The following PKD1 variants were observed in gnomAD, a reference collection of about 807,000 sequenced individuals.
PKD1 encodes the protein polycystin 1, transient receptor potential channel interacting, also known as polycystin-1.
A neutral mutation model predicts 361.7 loss-of-function variants in PKD1; 81 were observed. The ratio of observed to expected loss-of-function variants is 0.22; its 90% CI spans 0.19 to 0.27. The LOEUF (loss-of-function observed/expected upper bound fraction) is 0.27. PKD1 is among the 10% of genes least tolerant of loss of function. The pLI, the probability that PKD1 is intolerant of heterozygous loss-of-function variation, is 1.00. For synonymous variants in PKD1, 3,615 were observed against 2,818.3 expected (o/e 1.28, Z -8.95); for missense variants, 6,399 against 6,118.3 (o/e 1.05, Z -1.53).
intron 13 of PKD1, 24 bp from the exon 14 acceptor site, chr16:2,112,497 G>C (rs1324645949): frequency 1.1e-5 from 18 of 1,581,420 alleles, no homozygotes; most frequent in Non-Finnish European, 1.5e-5. Flanking sequence ...GGGACGCAGT[G>C]AGTGAACCGG....
Position 2,109,713 on chromosome 16 carries a change from C to T in PKD1, c.5454G>A (p.Ala1818=), listed in dbSNP as rs143916489. The T allele has an allele frequency of 7.6e-3, 12,154 of 1,602,118 alleles. 776 individuals are homozygous for T. The African/African-American group carries it at 0.13, about 18-fold the overall frequency. The part of the protein sequence containing the change: ...RASEPGGSFV[A]AGSSVPFWGQ... ...CCCAAAAGGGCACAGAGGACCCGGC[C>T]GCCACGAAGCTGCCTCCGGGCTCGC... Residue 1818 remains alanine, a synonymous_variant, in exon 15 of 46, where the codon GCG becomes GCA. Coordinates refer to ENST00000262304, the MANE Select transcript of PKD1 (RefSeq NM_001009944.3).
rs142285430 is a variant in PKD1 at position 2,088,881 on chromosome 16, G to GCGCGCACACACACACACACACA, written c.*845_*846insTGTGTGTGTGTGTGTGTGCGCG. 1.2e-5 allele frequency: 5 copies of GCGCGCACACACACACACACACA among 421,378 alleles called. No homozygotes were observed. The highest frequency in any genetic ancestry group is 1.1e-4 in the African/African-American group (5 of 44,578). The allele number at this position is 421,378 out of a possible 1,614,324, so 26.1% of individuals were successfully genotyped here. A position where few individuals can be genotyped will look rare whatever the true frequency, so the allele number is the denominator to read the frequency against. ...ACAGCACACTCGCGCGTGCGCGCGC[G>GCGCGCACACACACACACACACA]CACACACACACACACACAGTCACCT... On this transcript the variant is annotated 3_prime_UTR_variant, in exon 46 of 46. Coordinates refer to ENST00000262304, the MANE Select transcript of PKD1 (RefSeq NM_001009944.3).
chr16:2,107,182 C>G, intron 16 of PKD1: 1 of 589,164 alleles, frequency 1.7e-6, no homozygotes, highest in South Asian at 1.9e-5. Flanking sequence ...GTACTGGACC[C>G]AGCTGGACCC....
intron 1 of PKD1, chr16:2,133,019 T>C (rs1187274231): frequency 1.5e-5 from 2 of 134,172 alleles, no homozygotes; most frequent in African/African-American, 2.9e-5. Flanking sequence ...GAGGCGGAGG[T>C]TGCCATGAGC....
intron 34 of PKD1, among the ~76,000 whole-genome samples, chr16:2,095,974 C>A (rs1318267548): frequency 2.6e-5 from 4 of 152,192 alleles, no homozygotes; most frequent in Admixed American, 2.0e-4. Context: ...TGGTTATCTG[C>A]CTTTTGTAAA....
Position 2,089,194 on chromosome 16 carries a change from G to A in PKD1, c.*533C>T, listed in dbSNP as rs936190439. ...ACCTACCAAGCGCAGCAGGTGTTGG[G>A]GGAGGCCAGCTCTGGGCGCAGGCCC... On this transcript the variant is annotated 3_prime_UTR_variant, in exon 46 of 46. Transcript: ENST00000262304. 2.3e-5 allele frequency: 4 copies of A among 174,630 alleles called. No individual in the cohort carries two copies. Among genetic ancestry groups the A allele is most frequent in the Non-Finnish European group, 4.9e-5 (4 of 81,418 alleles). 10.8% of individuals were successfully genotyped at this position (174,630 alleles called of 1,614,324 possible). A position where few individuals can be genotyped will look rare whatever the true frequency, so the allele number is the denominator to read the frequency against.
Position 2,111,788 on chromosome 16 carries a change from G to A in PKD1, c.3379C>T (p.Pro1127Ser), listed in dbSNP as rs2092513320. 1.9e-6 allele frequency: 3 copies of A among 1,608,736 alleles called. No homozygotes were observed. Among genetic ancestry groups the A allele is most frequent in the African/African-American group, 2.7e-5 (2 of 74,802 alleles). ...TCACTCACACCCACAGCCACGGAGGGCAGGGAGGCGCGCACGCTCACAGGC... is the reference window on the plus strand; with the variant it reads ...TCACTCACACCCACAGCCACGGAGGACAGGGAGGCGCGCACGCTCACAGGC... ...QVPVSVRASL[P>S]SVAVGVSDGV... Residue 1127 changes from proline (P) to serine (S), a missense_variant, in exon 15 of 46, where the codon CCC becomes TCC. Physicochemically the swap from Pro to Ser is moderately conservative, Grantham distance 74. Transcript: ENST00000262304.
In PKD1 at chr16:2,112,414, G is replaced by A; in HGVS notation, c.3221C>T (p.Ser1074Phe). The change falls in exon 14 of 46, where the codon TCC (serine) becomes TTC (phenylalanine). Residue 1074 changes from serine to phenylalanine, a missense_variant. Coordinates refer to ENST00000262304, the MANE Select transcript of PKD1 (RefSeq NM_001009944.3). ...CACCGAGGGGTCTGGAACCGGGAAG[G>A]ACTCGTTGTACGGAGGCTGGAACTG... Reference protein sequence around the residue: ...LHQFQPPYNESFPVPDPSVAQ... With the variant: ...LHQFQPPYNEFFPVPDPSVAQ... The A allele has an allele frequency of 6.3e-7, 1 of 1,585,542 alleles. No individual in the cohort carries two copies.
Position 2,092,500 on chromosome 16 carries a change from C to T in PKD1, c.11249G>A (p.Arg3750Gln), listed in dbSNP as rs1327414405. 1 of 1,610,398 alleles carries T rather than the reference C, an allele frequency of 6.2e-7. No individual in the cohort carries two copies. The part of the protein sequence containing the change: ...SSPELGPPRL[R>Q]QVRLQEALYP... Reference sequence around the variant, plus strand: ...CTCACCTTCCTGCAGCCGCACCTGCCGCAGCCGTGGGGGCCCCAGCTCTGG... The same window carrying T: ...CTCACCTTCCTGCAGCCGCACCTGCTGCAGCCGTGGGGGCCCCAGCTCTGG... The change falls in exon 39 of 46, where the codon CGG (arginine) becomes CAG (glutamine). Residue 3750 changes from arginine to glutamine, a missense_variant. Arg to Gln is a conservative substitution (Grantham distance 43). Transcript: ENST00000262304.
rs1420246458 is a variant in PKD1 at position 2,092,087 on chromosome 16, C to T, written c.11371G>A (p.Gly3791Ser). ...GCTGAATAGGCCCACGTCCCCGAGC[C>T]ATTGTGAGGACTCTCCCAGCCAACG... ...YDVGWESPHN[G>S]SGTWAYSAPD... is the part of the protein sequence containing the mutation. The change falls in exon 40 of 46, where the codon GGC (glycine) becomes AGC (serine). Residue 3791 changes from glycine to serine, a missense_variant. Coordinates refer to ENST00000262304, the MANE Select transcript of PKD1 (RefSeq NM_001009944.3). The T allele has an allele frequency of 1.2e-6, 2 of 1,612,860 alleles. No individual in the cohort carries two copies. Among genetic ancestry groups the T allele is most frequent in the South Asian group, 2.2e-5 (2 of 91,084 alleles).
chr16:2,089,923 A>G lies in PKD1; in HGVS notation c.12716T>C (p.Leu4239Pro). 1 of 1,612,080 alleles carries G rather than the reference A, an allele frequency of 6.2e-7. No individual in the cohort carries two copies. The highest frequency in any genetic ancestry group is 8.5e-7 in the Non-Finnish European group (1 of 1,179,740). Residue 4239 changes from leucine to proline, a missense_variant, in exon 46 of 46, where the codon CTG becomes CCG. Physicochemically the swap from Leu to Pro is moderately conservative, Grantham distance 98 (BLOSUM62 -3). Transcript: ENST00000262304. ...LNQATEDVYQ[L>P]EQQLHSLQGR... Reference sequence around the variant, plus strand: ...TTGCAGGCTGTGCAGCTGCTGCTCCAGCTGGTAGACGTCCTCTGTGGCCTG... The same window carrying G: ...TTGCAGGCTGTGCAGCTGCTGCTCCGGCTGGTAGACGTCCTCTGTGGCCTG...
At chr16:2,098,090 CAG>C (rs1460247689) in intron 30 of PKD1, 106 bp from the exon 31 acceptor site, 4 of 689,148 alleles carry the variant, frequency 5.8e-6, no homozygotes, top group East Asian at 2.7e-5. Context: ...TGCCATCTGA[CAG>C]AATGTCCTAG....
chr16:2,103,858 T>G lies in PKD1; in HGVS notation c.8199A>C (p.Ala2733=), dbSNP rs1169412896. The G allele has an allele frequency of 6.3e-7, 1 of 1,598,148 alleles. No individual in the cohort carries two copies. Among genetic ancestry groups the G allele is most frequent in the Non-Finnish European group, 8.5e-7 (1 of 1,175,822 alleles). The part of the protein sequence containing the change: ...LIHLASSDVR[A]PQPSELGAES... ...CGGCTCCCAGCTCTGAGGGCTGTGG[T>G]GCCCGCACGTCCGAGCTGGCCAGGT... The change falls in exon 23 of 46, where the codon GCA becomes GCC. Residue 2733 remains alanine, a synonymous_variant. Transcript: ENST00000262304.
chr16:2,106,769 C>T lies in PKD1; in HGVS notation c.7209+36G>A. On this transcript the variant is annotated intron_variant, in intron 17 of 45. Coordinates refer to ENST00000262304, the MANE Select transcript of PKD1 (RefSeq NM_001009944.3). The surrounding 1 kb of genome is among the most constrained non-coding windows in gnomAD (Gnocchi z 6.5). ...GCCCCGTCCCCTCGGCCATGGGACC[C>T]ATCCCCAGCCCGCCCACACCCCGCT... 1 of 1,495,278 alleles carries T rather than the reference C, an allele frequency of 6.7e-7. No individual in the cohort carries two copies. Among genetic ancestry groups the T allele is most frequent in the Non-Finnish European group, 9.2e-7 (1 of 1,092,526 alleles). 92.6% of individuals were successfully genotyped at this position (1,495,278 alleles called of 1,614,324 possible). A position where few individuals can be genotyped will look rare whatever the true frequency, so the allele number is the denominator to read the frequency against.
Position 2,102,140 on chromosome 16 carries a change from G to A in PKD1, c.9318C>T (p.Gly3106=), listed in dbSNP as rs772065130. 2 of 1,568,422 alleles carry A rather than the reference G, an allele frequency of 1.3e-6. 1 individual carries two copies. The highest frequency in any genetic ancestry group is 1.7e-6 in the Non-Finnish European group (2 of 1,149,300). Reference sequence around the variant, plus strand: ...GCTGCCCACAGAAAGGGATGGCGCGGCCCCGGCTGGCATCCAACTGGTCCA... The same window carrying A: ...GCTGCCCACAGAAAGGGATGGCGCGACCCCGGCTGGCATCCAACTGGTCCA... The part of the protein sequence containing the change: ...HKLDQLDASR[G]RAIPFCGQRG... The change falls in exon 26 of 46, where the codon GGC becomes GGT. Residue 3106 remains glycine (G), a synonymous_variant. Transcript: ENST00000262304.
Position 2,099,851 on chromosome 16 carries a change from C to T in PKD1, c.9923+10G>A, listed in dbSNP as rs540536266. 24 of 1,563,776 alleles carry T rather than the reference C, an allele frequency of 1.5e-5. No individual in the cohort carries two copies. Among genetic ancestry groups the T allele is most frequent in the East Asian group, 4.7e-5 (2 of 42,212 alleles). ...CAGGAAGAGGCTGCCCCGACCCCTA[C>T]GGCACCCACCTGTAGGCAGAGTCGC... is the stretch of plus-strand genomic sequence containing the variant. On this transcript the variant is annotated intron_variant, in intron 29 of 45. Coordinates refer to ENST00000262304, the MANE Select transcript of PKD1 (RefSeq NM_001009944.3).
At position 2,103,849 on chromosome 16, in the gene PKD1, G is replaced by A. The variant is rs1443421456; in HGVS notation, c.8208C>T (p.Pro2736=). 3 of 1,606,680 alleles carry A rather than the reference G, an allele frequency of 1.9e-6. No individual in the cohort carries two copies. Among genetic ancestry groups the A allele is most frequent in the Non-Finnish European group, 2.5e-6 (3 of 1,178,620 alleles). The change falls in exon 23 of 46, where the codon CCC becomes CCT. Residue 2736 remains proline, a synonymous_variant. Coordinates refer to ENST00000262304, the MANE Select transcript of PKD1 (RefSeq NM_001009944.3). ...LASSDVRAPQ[P]SELGAESPSR... Reference sequence around the variant, plus strand: ...ATGGTGACTCGGCTCCCAGCTCTGAGGGCTGTGGTGCCCGCACGTCCGAGC... The same window carrying A: ...ATGGTGACTCGGCTCCCAGCTCTGAAGGCTGTGGTGCCCGCACGTCCGAGC...
In PKD1 at chr16:2,110,638, C is replaced by T; in HGVS notation, c.4529G>A (p.Gly1510Asp). ...WDLGDGGWLE[G>D]PEVTHAYNST... ...GTTGTAAGCGTGGGTGACCTCCGGA[C>T]CCTCGAGCCACCCACCGTCCCCCAG... Residue 1510 changes from glycine to aspartate, a missense_variant, in exon 15 of 46, where the codon GGT becomes GAT. Gly to Asp is a moderately conservative substitution (Grantham distance 94). Transcript: ENST00000262304. 2 of 1,610,064 alleles carry T rather than the reference C, an allele frequency of 1.2e-6. No homozygotes were observed. The highest frequency in any genetic ancestry group is 1.7e-6 in the Non-Finnish European group (2 of 1,179,324).
intron 9 of PKD1, 38 bp from the exon 10 acceptor site, chr16:2,115,663 C>T (rs762006869): frequency 1.3e-6 from 2 of 1,586,502 alleles, no homozygotes; most frequent in Admixed American, 3.4e-5. Flanking sequence ...CTGATTTGCC[C>T]ACAGGCCACC....
Sources: allele counts gnomAD v4.1 joint callset (sites outside exome capture counted in the v4.1 genomes callset), GRCh38; gene constraint gnomAD v4.1.1; non-coding constraint Gnocchi (gnomAD v3.1); transcripts MANE v1.5; gene names NCBI Gene and HGNC (gene_info 2026-07-23, HGNC 2026-07-21).